The following NXPH1 variants were observed in gnomAD, a reference collection of about 807,000 sequenced individuals.
NXPH1 encodes neurexophilin 1.
NXPH1 carries 5 observed loss-of-function variants against 23.7 expected under a neutral mutation model. That is an observed-to-expected ratio of 0.21 (90% CI 0.11 to 0.44). The LOEUF is 0.44. Ranked by LOEUF, NXPH1 falls within the 20% of genes least tolerant of loss-of-function variation. The pLI is 0.99. For missense variants in NXPH1, 324 were observed against 321.6 expected (o/e 1.01, Z -0.06); for synonymous variants, 144 against 122.2 (o/e 1.18, Z -1.18).
intron 2 of NXPH1, among the ~76,000 whole-genome samples, chr7:8,518,108 A>G (rs147828189): frequency 7.9e-4 from 120 of 152,320 alleles, no homozygotes; most frequent in Non-Finnish European, 1.6e-3. Flanking sequence ...TACTTTGTAC[A>G]TAGTAAGTGT....
chr7:8,595,640 T>G (rs1819205648), intron 2 of NXPH1, among the ~76,000 whole-genome samples: 3 of 152,094 alleles, frequency 2.0e-5, no homozygotes, highest in Non-Finnish European at 4.4e-5. Context: ...TCTGACAATT[T>G]GTGAAAGTGT....
chr7:8,597,743 T>C (rs1819258572), intron 2 of NXPH1, among the ~76,000 whole-genome samples: 1 of 150,894 alleles, frequency 6.6e-6, no homozygotes, highest in Non-Finnish European at 1.5e-5. Flanking sequence ...GCAGTAGCTA[T>C]CACCTTTCTA....
intron 2 of NXPH1, among the ~76,000 whole-genome samples, chr7:8,632,376 A>G (rs1183637653): frequency 6.6e-6 from 1 of 152,110 alleles, no homozygotes; most frequent in Non-Finnish European, 1.5e-5. Flanking sequence ...TCTTGATTCC[A>G]TTGCTTACCT....
intron 2 of NXPH1, among the ~76,000 whole-genome samples, chr7:8,511,956 A>G (rs962483952): frequency 1.3e-5 from 2 of 152,164 alleles, no homozygotes; most frequent in Admixed American, 6.5e-5. Flanking sequence ...GACCCTGCCC[A>G]GTAGCTCTGG....
At chr7:8,623,694 TA>T (rs1819927931) in intron 2 of NXPH1, among the ~76,000 whole-genome samples, 3 of 151,436 alleles carry the variant, frequency 2.0e-5, no homozygotes, top group African/African-American at 7.3e-5. Flanking sequence ...TTTTAAGAGA[TA>T]TATACTGAGA....
chr7:8,700,836 G>C (rs1562458823), intron 2 of NXPH1, among the ~76,000 whole-genome samples: 1 of 151,934 alleles, frequency 6.6e-6, no homozygotes, highest in Non-Finnish European at 1.5e-5. Context: ...GGCAAATGAT[G>C]GTCTCTGGGC....
chr7:8,437,433 A>G (rs1563309949), intron 2 of NXPH1, among the ~76,000 whole-genome samples: 1 of 152,100 alleles, frequency 6.6e-6, no homozygotes, highest in Non-Finnish European at 1.5e-5. Flanking sequence ...TCCCTTGACC[A>G]TCGTAACCCG....
intron 2 of NXPH1, among the ~76,000 whole-genome samples, chr7:8,634,456 C>G (rs528153317): frequency 6.6e-6 from 1 of 152,000 alleles, no homozygotes; most frequent in Non-Finnish European, 1.5e-5. Flanking sequence ...ATTACCTAGT[C>G]TTGGGTATTT....
chr7:8,680,054 G>C (rs1429548775), intron 2 of NXPH1, among the ~76,000 whole-genome samples: 1 of 152,208 alleles, frequency 6.6e-6, no homozygotes. Context: ...ACCCTAGTAT[G>C]TTTTCAGACA....
chr7:8,605,735 A>G (rs746107377), intron 2 of NXPH1, among the ~76,000 whole-genome samples: 4 of 152,112 alleles, frequency 2.6e-5, no homozygotes, highest in African/African-American at 9.7e-5. Context: ...TAGATAAGTT[A>G]AATCTTTTAG....
At chr7:8,618,881 T>G (rs759489715) in intron 2 of NXPH1, among the ~76,000 whole-genome samples, 18 of 152,226 alleles carry the variant, frequency 1.2e-4, no homozygotes, top group South Asian at 2.1e-4. Context: ...TTATGTGTGC[T>G]GCAATTGAAG....
intron 2 of NXPH1, among the ~76,000 whole-genome samples, chr7:8,466,284 T>A (rs563467646): frequency 2.6e-5 from 4 of 152,208 alleles, no homozygotes; most frequent in African/African-American, 9.6e-5. Flanking sequence ...GGAGTTGATA[T>A]ATTAAATACA....
intron 2 of NXPH1, among the ~76,000 whole-genome samples, chr7:8,497,439 T>G (rs1301177637): frequency 6.6e-6 from 1 of 152,198 alleles, no homozygotes; most frequent in East Asian, 1.9e-4. Flanking sequence ...ATTGCCACAC[T>G]GTCTTCCACA....
rs184853195 is a variant in NXPH1, at chr7:8,653,795, C to G, written c.55-97213C>G. On this transcript the variant is annotated intron_variant, in intron 2 of 2. Coordinates refer to ENST00000405863, the MANE Select transcript of NXPH1 (RefSeq NM_152745.3). The stretch of plus-strand genomic sequence containing the variant: ...GAGAACTTTTCAGAGGAGTTTTCAT[C>G]TTATCAGAAACATGATATACCATTG... 4.6e-5 allele frequency among the ~76,000 whole-genome samples: 7 copies of G among 152,272 alleles called. No homozygotes were observed. The East Asian group carries it at 5.8e-4, about 13-fold the overall frequency.
intron 2 of NXPH1, among the ~76,000 whole-genome samples, chr7:8,463,494 G>A (rs1307308605): frequency 2.0e-5 from 3 of 151,930 alleles, no homozygotes; most frequent in Non-Finnish European, 4.4e-5. Context: ...TCAAGGATAT[G>A]CCAATTTAAA....
intron 2 of NXPH1, among the ~76,000 whole-genome samples, chr7:8,612,238 C>T (rs551842862): frequency 6.6e-6 from 1 of 150,902 alleles, no homozygotes; most frequent in East Asian, 2.0e-4. Flanking sequence ...TTTACATTCT[C>T]CCCTTCCTTT....
chr7:8,526,823 C>G (rs1817868780), intron 2 of NXPH1, among the ~76,000 whole-genome samples: 1 of 152,196 alleles, frequency 6.6e-6, no homozygotes, highest in Non-Finnish European at 1.5e-5. Context: ...TCTTACCAGT[C>G]TTGGCTATTT....
intron 2 of NXPH1, among the ~76,000 whole-genome samples, chr7:8,672,068 T>C (rs956724468): frequency 1.3e-5 from 2 of 152,206 alleles, no homozygotes; most frequent in African/African-American, 2.4e-5. Flanking sequence ...GCTCTGATGG[T>C]AGTTTCTTTT....
intron 2 of NXPH1, among the ~76,000 whole-genome samples, chr7:8,577,444 A>T (rs1053420499): frequency 2.0e-5 from 3 of 152,134 alleles, no homozygotes; most frequent in South Asian, 2.1e-4. Flanking sequence ...TAGTTTCATT[A>T]CTTGCTTCAG....
Sources: allele counts gnomAD v4.1 joint callset (sites outside exome capture counted in the v4.1 genomes callset), GRCh38; gene constraint gnomAD v4.1.1; transcripts MANE v1.5; gene names NCBI Gene and HGNC (gene_info 2026-07-23, HGNC 2026-07-21).